ZNF211: variants seen among roughly 807,000 people sequenced by gnomAD.
ZNF211 encodes zinc finger protein C2H2-25.
Under a neutral mutation model 12.1 loss-of-function variants are expected in ZNF211, and 18 were observed. The ratio of observed to expected loss-of-function variants is 1.48; its 90% CI spans 1.03 to 2.20. The LOEUF (loss-of-function observed/expected upper bound fraction) is 2.20. Ranked by LOEUF, ZNF211 falls within the 30% of genes most tolerant of loss-of-function variation. The probability of loss-of-function intolerance (pLI) is 0.00; values close to 1 mark genes in which losing one functional copy is unlikely to be tolerated. For missense variants in ZNF211, 677 were observed against 703.1 expected (o/e 0.96, Z 0.42); for synonymous variants, 249 against 246.0 (o/e 1.01, Z -0.11).
At chr19:57,637,249 G>A (rs1231675950) in intron 3 of ZNF211, among the ~76,000 whole-genome samples, 1 of 150,980 alleles carries the variant, frequency 6.6e-6, no homozygotes, top group African/African-American at 2.4e-5. Context: ...AATCTTAGAG[G>A]AAAATCTTTC....
chr19:57,638,629 T>G (rs1212151333), intron 3 of ZNF211, among the ~76,000 whole-genome samples: 1 of 152,202 alleles, frequency 6.6e-6, no homozygotes, highest in Non-Finnish European at 1.5e-5. Context: ...AAATGAGGCT[T>G]AATTTATGGT....
At position 57,642,390 on chromosome 19, in the gene ZNF211, T is replaced by A; in HGVS notation, c.*209T>A. The A allele has an allele frequency of 1.8e-6, 1 of 561,938 alleles. No individual in the cohort carries two copies. Among genetic ancestry groups the A allele is most frequent in the Non-Finnish European group, 3.0e-6 (1 of 328,842 alleles). The allele number at this position is 561,938 out of a possible 1,614,324, so 34.8% of individuals were successfully genotyped here. A position where few individuals can be genotyped will look rare whatever the true frequency, so the allele number is the denominator to read the frequency against. On this transcript the variant is annotated 3_prime_UTR_variant, in exon 4 of 4. Coordinates refer to ENST00000240731, the MANE Select transcript of ZNF211 (RefSeq NM_006385.5). ...ACCTGCCATTTATGGCTCTTGCCGT[T>A]TATGTCACTGACAGTTTCTGAGGCA...
rs553920723 is a variant in ZNF211, at chr19:57,640,573, C to T, written c.257-131C>T. 32 of 1,172,732 alleles carry T rather than the reference C, an allele frequency of 2.7e-5. 1 individual carries two copies. In the East Asian group the frequency reaches 7.9e-4, roughly 29 times the overall value. The allele number at this position is 1,172,732 out of a possible 1,614,324, so 72.6% of individuals were successfully genotyped here. A position where few individuals can be genotyped will look rare whatever the true frequency, so the allele number is the denominator to read the frequency against. ...CACAACAGCTGCTTCCTCAACCTGA[C>T]CCCCCAACTCACTTTTCCTAAAAAC... On this transcript the variant is annotated intron_variant, in intron 3 of 3. Transcript: ENST00000240731.
chr19:57,638,012 C>T (rs374457411), intron 3 of ZNF211, among the ~76,000 whole-genome samples: 7 of 151,768 alleles, frequency 4.6e-5, no homozygotes, highest in Admixed American at 2.6e-4. Context: ...AATTCTCCTG[C>T]CTTGGCCTCC....
chr19:57,634,028 C>T lies in ZNF211; in HGVS notation c.96C>T (p.Pro32=), dbSNP rs759568281. The stretch of plus-strand genomic sequence containing the variant: ...AGGCCTGCGTCTTTCCACAGGTTCC[C>T]ATAGCTACAGAGGTGCTTTTCAAAC... The part of the protein sequence containing the change: ...ATALRDPASV[P]IATEVLFKLT... Residue 32 remains proline (P), a synonymous_variant, in exon 2 of 4, where the codon CCC becomes CCT. Transcript: ENST00000240731. The T allele has an allele frequency of 6.3e-7, 1 of 1,589,670 alleles. No homozygotes were observed. Among genetic ancestry groups the T allele is most frequent in the Non-Finnish European group, 8.6e-7 (1 of 1,169,392 alleles).
At chr19:57,633,466 G>T (rs771800398) in intron 1 of ZNF211, 30 bp downstream of exon 1, 4 of 1,569,126 alleles carry the variant, frequency 2.5e-6, no homozygotes, top group Non-Finnish European at 3.4e-6. Flanking sequence ...GGCCTCCCCC[G>T]GCCGAGATTC....
chr19:57,641,997 C>T lies in ZNF211; in HGVS notation c.1550C>T (p.Thr517Ile), dbSNP rs773881906. The T allele has an allele frequency of 1.2e-6, 2 of 1,614,176 alleles. No homozygotes were observed. Among genetic ancestry groups the T allele is most frequent in the Non-Finnish European group, 1.7e-6 (2 of 1,180,040 alleles). The change falls in exon 4 of 4, where the codon ACT becomes ATT. Residue 517 changes from threonine to isoleucine, a missense_variant. Transcript: ENST00000240731. ...SNLIKHLRVH[T>I]GERPYECSEC... The stretch of plus-strand genomic sequence containing the variant: ...CTCATTAAACACCTGAGAGTTCACA[C>T]TGGAGAAAGGCCTTATGAGTGCAGT...
intron 3 of ZNF211, chr19:57,640,066 A>C (rs1982690698): frequency 2.6e-6 from 4 of 1,534,944 alleles, no homozygotes; most frequent in Non-Finnish European, 3.5e-6. Context: ...GCATGTCATC[A>C]GGTCTGTGTT....
intron 1 of ZNF211, 76 bp downstream of exon 1, chr19:57,633,512 T>C (rs1981705998): frequency 2.0e-6 from 3 of 1,513,650 alleles, no homozygotes; most frequent in South Asian, 2.5e-5. Flanking sequence ...CTCACGTCTC[T>C]GTAGCACAGG....
rs774659409 is a variant in ZNF211 at position 57,641,647 on chromosome 19, C to G, written c.1200C>G (p.His400Gln). ...SFSQNFSLIY[H>Q]QRVHTGERPH... ...GCCAAAACTTTAGCCTGATCTACCA[C>G]CAGAGAGTTCACACTGGAGAAAGAC... Residue 400 changes from histidine (H) to glutamine (Q), a missense_variant, in exon 4 of 4, where the codon CAC becomes CAG. Coordinates refer to ENST00000240731, the MANE Select transcript of ZNF211 (RefSeq NM_006385.5). 1 of 1,613,094 alleles carries G rather than the reference C, an allele frequency of 6.2e-7. No homozygotes were observed. Among genetic ancestry groups the G allele is most frequent in the Non-Finnish European group, 8.5e-7 (1 of 1,179,458 alleles).
chr19:57,633,405 G>A lies in ZNF211; in HGVS notation c.59G>A (p.Arg20Gln), dbSNP rs776409217. 8 of 1,604,296 alleles carry A rather than the reference G, an allele frequency of 5.0e-6. No individual in the cohort carries two copies. Among genetic ancestry groups the A allele is most frequent in the Non-Finnish European group, 5.1e-6 (6 of 1,178,698 alleles). Residue 20 changes from arginine to glutamine, a missense_variant, in exon 1 of 4, where the codon CGG (arginine) becomes CAG (glutamine). Physicochemically the swap from Arg to Gln is conservative, Grantham distance 43. Coordinates refer to ENST00000240731, the MANE Select transcript of ZNF211 (RefSeq NM_006385.5). ...CCGGTCCAGCTCCGCCCACAGACTC[G>A]GATGGCGACCGCACTGAGGGACCCG... is the stretch of plus-strand genomic sequence containing the variant. ...QLPVQLRPQTRMATALRDPAS... is the reference protein window; with the variant it reads ...QLPVQLRPQTQMATALRDPAS...
chr19:57,633,298 T>G lies in ZNF211; in HGVS notation c.-49T>G. The G allele has an allele frequency of 6.7e-7, 1 of 1,484,702 alleles. No homozygotes were observed. The highest frequency in any genetic ancestry group is 1.3e-5 in the South Asian group (1 of 76,822). The allele number at this position is 1,484,702 out of a possible 1,614,324, so 92.0% of individuals were successfully genotyped here. A position where few individuals can be genotyped will look rare whatever the true frequency, so the allele number is the denominator to read the frequency against. On this transcript the variant is annotated 5_prime_UTR_variant, in exon 1 of 4. Coordinates refer to ENST00000240731, the MANE Select transcript of ZNF211 (RefSeq NM_006385.5). ...GGACCGTGAAGGCGCGAGAGTCAGG[T>G]CTGAGGGTCGGGGGCAGAGCCGCCC...
intron 2 of ZNF211, 166 bp downstream of exon 2, chr19:57,634,227 C>G (rs1424451182): frequency 1.5e-6 from 1 of 670,696 alleles, no homozygotes; most frequent in Non-Finnish European, 2.3e-6. Flanking sequence ...TGAGTCCAGG[C>G]CAATGTTTCC....
Position 57,641,857 on chromosome 19 carries a change from A to G in ZNF211, c.1410A>G (p.Glu470=). Residue 470 remains glutamate, a synonymous_variant, in exon 4 of 4, where the codon GAA becomes GAG. Coordinates refer to ENST00000240731, the MANE Select transcript of ZNF211 (RefSeq NM_006385.5). ...GGGAAAGGCCTTATGTGTGTGGGGAATGTGGGAAATCCTTTAGCCATAGCT... is the reference window on the plus strand; with the variant it reads ...GGGAAAGGCCTTATGTGTGTGGGGAGTGTGGGAAATCCTTTAGCCATAGCT... ...HTGERPYVCG[E]CGKSFSHSSN... 6.2e-7 allele frequency: 1 copy of G among 1,614,182 alleles called. No homozygotes were observed. Among genetic ancestry groups the G allele is most frequent in the Non-Finnish European group, 8.5e-7 (1 of 1,180,024 alleles).
At chr19:57,633,506 C>G in intron 1 of ZNF211, 70 bp downstream of exon 1, 1 of 1,518,900 alleles carries the variant, frequency 6.6e-7, no homozygotes, top group Non-Finnish European at 8.8e-7. Flanking sequence ...CACCAGCTCA[C>G]GTCTCTGTAG....
intron 3 of ZNF211, among the ~76,000 whole-genome samples, chr19:57,638,023 C>T (rs1027094479): frequency 4.6e-5 from 7 of 151,710 alleles, no homozygotes; most frequent in East Asian, 1.9e-4. Context: ...CTTGGCCTCC[C>T]GATTAGCTGG....
Position 57,642,547 on chromosome 19 carries a change from T to C in ZNF211, c.*366T>C. 1 of 181,940 alleles carries C rather than the reference T, an allele frequency of 5.5e-6. No individual in the cohort carries two copies. The highest frequency in any genetic ancestry group is 1.2e-5 in the Non-Finnish European group (1 of 85,718). 11.3% of individuals were successfully genotyped at this position (181,940 alleles called of 1,614,324 possible). Reference sequence around the variant, plus strand: ...AAATCATGAATAGTCTGAGTCTTCCTCTCTGACAAGTTAGGGCATGGACTT... The same window carrying C: ...AAATCATGAATAGTCTGAGTCTTCCCCTCTGACAAGTTAGGGCATGGACTT... On this transcript the variant is annotated 3_prime_UTR_variant, in exon 4 of 4. Transcript: ENST00000240731.
In ZNF211 at chr19:57,634,724, G is replaced by A; in HGVS notation, c.225G>A (p.Met75Ile). 6.2e-7 allele frequency: 1 copy of A among 1,605,498 alleles called. No individual in the cohort carries two copies. The highest frequency in any genetic ancestry group is 8.5e-7 in the Non-Finnish European group (1 of 1,175,202). ...EAQKHLYFDV[M>I]LENFALTSSL... The stretch of plus-strand genomic sequence containing the variant: ...AGAAACACCTGTACTTCGATGTGAT[G>A]CTGGAGAACTTTGCACTTACGTCCT... The change falls in exon 3 of 4, where the codon ATG (methionine) becomes ATA (isoleucine). Residue 75 changes from methionine (M) to isoleucine (I), a missense_variant. Transcript: ENST00000240731.
At position 57,641,225 on chromosome 19, in the gene ZNF211, G is replaced by A. The variant is rs755627362; in HGVS notation, c.778G>A (p.Asp260Asn). ...AFSHIDTLVQDQRILTREGLF... is the reference protein window; with the variant it reads ...AFSHIDTLVQNQRILTREGLF... The stretch of plus-strand genomic sequence containing the variant: ...TAGCCACATAGACACACTTGTTCAG[G>A]ACCAGAGAATCCTCACTAGAGAAGG... Residue 260 changes from aspartate to asparagine, a missense_variant, in exon 4 of 4, where the codon GAC becomes AAC. Coordinates refer to ENST00000240731, the MANE Select transcript of ZNF211 (RefSeq NM_006385.5). 1.2e-6 allele frequency: 2 copies of A among 1,614,208 alleles called. No individual in the cohort carries two copies. The highest frequency in any genetic ancestry group is 2.2e-5 in the South Asian group (2 of 91,080).
Sources: allele counts gnomAD v4.1 joint callset (sites outside exome capture counted in the v4.1 genomes callset), GRCh38; gene constraint gnomAD v4.1.1; transcripts MANE v1.5; gene names NCBI Gene and HGNC (gene_info 2026-07-23, HGNC 2026-07-21).